Variants in DCC observed in about 807,000 individuals in gnomAD.
The protein encoded by DCC is netrin receptor DCC.
In DCC, 58 loss-of-function variants were observed where a neutral mutation model predicts 172.5. That is an observed-to-expected ratio of 0.34 (90% CI 0.27 to 0.42). The LOEUF is 0.42. Among genes scored for constraint, DCC ranks in the 10% least tolerant of loss-of-function variants. The probability of loss-of-function intolerance (pLI) is 1.00; values close to 1 mark genes in which losing one functional copy is unlikely to be tolerated. For missense variants in DCC, 1,740 were observed against 1,791.0 expected, an observed-to-expected ratio of 0.97 and a Z score of 0.51; for synonymous variants, 709 against 644.5, an observed-to-expected ratio of 1.10 and a Z score of -1.52.
chr18:52,537,650 A>G (rs1263969117), intron 1 of DCC, among the ~76,000 whole-genome samples: 2 of 152,204 alleles, frequency 1.3e-5, no homozygotes, highest in Admixed American at 6.5e-5. Context: ...AAGCAGAAAA[A>G]AAAGAAAACA....
chr18:52,368,967 A>C (rs1360279717), intron 1 of DCC, among the ~76,000 whole-genome samples: 1 of 152,186 alleles, frequency 6.6e-6, no homozygotes, highest in African/African-American at 2.4e-5. Flanking sequence ...TGTGGTGAGA[A>C]GGATCTGGCT....
At chr18:52,813,412 T>G (rs2038235425) in intron 2 of DCC, among the ~76,000 whole-genome samples, 1 of 151,996 alleles carries the variant, frequency 6.6e-6, no homozygotes, top group Non-Finnish European at 1.5e-5. Flanking sequence ...ATGAGATGAC[T>G]CTTGACATTC....
At chr18:52,501,568 T>C (rs541378425) in intron 1 of DCC, among the ~76,000 whole-genome samples, 1 of 152,174 alleles carries the variant, frequency 6.6e-6, no homozygotes, top group African/African-American at 2.4e-5. Flanking sequence ...CAGTGTTGGG[T>C]CAGTGCTTGG....
intron 15 of DCC, among the ~76,000 whole-genome samples, chr18:53,384,510 T>C (rs1335912312): frequency 2.0e-5 from 3 of 152,118 alleles, no homozygotes. Context: ...TTCTCCTGAA[T>C]CCTTTTTCAG....
intron 2 of DCC, among the ~76,000 whole-genome samples, chr18:52,836,694 T>C (rs1383347422): frequency 6.6e-6 from 1 of 152,188 alleles, no homozygotes; most frequent in Non-Finnish European, 1.5e-5. Context: ...CACAGCCCCC[T>C]CCTGGCTGCT....
intron 1 of DCC, among the ~76,000 whole-genome samples, chr18:52,563,729 T>C (rs1181360315): frequency 6.6e-6 from 1 of 152,186 alleles, no homozygotes; most frequent in Non-Finnish European, 1.5e-5. Flanking sequence ...CCTGGAACTA[T>C]ATAGAACCCT....
At chr18:52,804,382 A>C (rs1404117510) in intron 2 of DCC, among the ~76,000 whole-genome samples, 1 of 152,208 alleles carries the variant, frequency 6.6e-6, no homozygotes, top group Non-Finnish European at 1.5e-5. Context: ...CATGACCAAA[A>C]TCTGTTGTTC....
chr18:53,334,668 G>A (rs1472121475), intron 14 of DCC, among the ~76,000 whole-genome samples: 1 of 152,136 alleles, frequency 6.6e-6, no homozygotes, highest in Admixed American at 6.6e-5. Flanking sequence ...CATAAAAGGA[G>A]ATTTACACAG....
At chr18:52,435,314 CT>C (rs1987756031) in intron 1 of DCC, among the ~76,000 whole-genome samples, 1 of 151,988 alleles carries the variant, frequency 6.6e-6, no homozygotes, top group Non-Finnish European at 1.5e-5. Context: ...TGTGTGTGTG[CT>C]AAATAGATCT....
intron 12 of DCC, among the ~76,000 whole-genome samples, chr18:53,297,094 G>C (rs1294639543): frequency 2.0e-5 from 3 of 151,958 alleles, no homozygotes; most frequent in African/African-American, 7.3e-5. Flanking sequence ...ATGAAATGTG[G>C]CTTCTGAGAA....
At chr18:53,037,081 C>A (rs1205509113) in intron 5 of DCC, among the ~76,000 whole-genome samples, 1 of 151,896 alleles carries the variant, frequency 6.6e-6, no homozygotes, top group Non-Finnish European at 1.5e-5. Context: ...ACAGAGTAAA[C>A]CATTACGGGG....
rs537311048 is a variant in DCC, at chr18:52,726,271, G to T, written c.92-25783G>T. Among the ~76,000 whole-genome samples, 5 of 152,098 alleles carry T rather than the reference G, an allele frequency of 3.3e-5. No homozygotes were observed. In the East Asian group the frequency reaches 9.7e-4, roughly 29 times the overall value. On this transcript the variant is annotated intron_variant, in intron 1 of 28. Transcript: ENST00000442544. ...TTCAAATCTAGATATGCTTGCCTCC[G>T]GAGTCTGCAATCTTAACCACTATCC...
chr18:52,985,551 C>A (rs999831850), intron 5 of DCC, among the ~76,000 whole-genome samples: 1 of 152,102 alleles, frequency 6.6e-6, no homozygotes, highest in Non-Finnish European at 1.5e-5. Context: ...GTCTTGCTGG[C>A]CACTTAACCG....
intron 9 of DCC, among the ~76,000 whole-genome samples, chr18:53,187,888 C>T (rs566190861): frequency 3.3e-5 from 5 of 152,240 alleles, no homozygotes; most frequent in African/African-American, 1.2e-4. Flanking sequence ...GATTTTAAGC[C>T]TATGACAAGC....
At chr18:53,313,563 A>T (rs986886203) in intron 13 of DCC, among the ~76,000 whole-genome samples, 2 of 152,168 alleles carry the variant, frequency 1.3e-5, no homozygotes, top group Non-Finnish European at 2.9e-5. Flanking sequence ...TAAGCAAGAG[A>T]ACAAATTAAC....
At chr18:52,376,541 A>T (rs1335803994) in intron 1 of DCC, among the ~76,000 whole-genome samples, 1 of 151,900 alleles carries the variant, frequency 6.6e-6, no homozygotes, top group Non-Finnish European at 1.5e-5. Flanking sequence ...ACAAGTTTTC[A>T]CTTGCAACCT....
intron 2 of DCC, among the ~76,000 whole-genome samples, chr18:52,849,936 A>G (rs2038949624): frequency 6.6e-6 from 1 of 152,204 alleles, no homozygotes; most frequent in African/African-American, 2.4e-5. Flanking sequence ...ATAAGCCACG[A>G]CAAAAATGCC....
chr18:52,717,858 A>C (rs1439134486), intron 1 of DCC, among the ~76,000 whole-genome samples: 1 of 152,214 alleles, frequency 6.6e-6, no homozygotes, highest in African/African-American at 2.4e-5. Context: ...TAAAATTCAA[A>C]AACAGGCAGA....
intron 7 of DCC, among the ~76,000 whole-genome samples, chr18:53,089,380 C>A (rs930512580): frequency 6.6e-6 from 1 of 152,096 alleles, no homozygotes; most frequent in African/African-American, 2.4e-5. Context: ...GCCACTGCAC[C>A]CGGCCGTACT....
Sources: gnomAD v4.1 joint callset for allele counts (sites outside exome capture counted in the v4.1 genomes callset) on GRCh38, gnomAD v4.1.1 for gene constraint, MANE v1.5 for transcripts, NCBI Gene and HGNC (gene_info 2026-07-23, HGNC 2026-07-21) for gene names.